SEMA5A: variants seen among roughly 807,000 people sequenced by gnomAD.
The protein encoded by SEMA5A is semaphorin 5A, also known as semaphorin-5A.
A neutral mutation model predicts 135.5 loss-of-function variants in SEMA5A; 55 were observed. The observed-to-expected ratio is 0.41, with a 90% CI of 0.33 to 0.51. The LOEUF is 0.51. SEMA5A is among the 20% of genes least tolerant of loss of function. The pLI is 0.37. For missense variants in SEMA5A, 1,290 were observed against 1,419.9 expected, an observed-to-expected ratio of 0.91 and a Z score of 1.47; for synonymous variants, 580 against 546.5, an observed-to-expected ratio of 1.06 and a Z score of -0.85.
At chr5:9,413,561 T>C (rs568916131) in intron 2 of SEMA5A, among the ~76,000 whole-genome samples, 1 of 152,242 alleles carries the variant, frequency 6.6e-6, no homozygotes, top group East Asian at 1.9e-4. Context: ...AAAATAGTAT[T>C]AATTGAAAAG....
intron 5 of SEMA5A, among the ~76,000 whole-genome samples, chr5:9,314,374 A>G (rs1210093530): frequency 1.2e-5 from 1 of 80,540 alleles, no homozygotes; most frequent in Non-Finnish European, 2.0e-5. Flanking sequence ...TGAGTTCCAG[A>G]AAAAAAAAAA....
At chr5:9,431,570 A>G (rs1462278895) in intron 2 of SEMA5A, among the ~76,000 whole-genome samples, 1 of 152,082 alleles carries the variant, frequency 6.6e-6, no homozygotes, top group Non-Finnish European at 1.5e-5. Context: ...GCATGAACTG[A>G]TTAGGTTTGC....
At chr5:9,428,165 T>C (rs779464379) in intron 2 of SEMA5A, among the ~76,000 whole-genome samples, 15 of 93,952 alleles carry the variant, frequency 1.6e-4, no homozygotes, top group Non-Finnish European at 2.3e-4. Flanking sequence ...TCTATCTATC[T>C]ATCCATCCAT....
chr5:9,176,087 G>A (rs990357098), intron 11 of SEMA5A, among the ~76,000 whole-genome samples: 4 of 152,190 alleles, frequency 2.6e-5, no homozygotes, highest in African/African-American at 9.7e-5. Context: ...GAATTCTGCA[G>A]ATAAAAGATT....
chr5:9,164,274 ATATT>A (rs1743484733), intron 11 of SEMA5A, among the ~76,000 whole-genome samples: 1 of 145,450 alleles, frequency 6.9e-6, no homozygotes, highest in Non-Finnish European at 1.5e-5. Context: ...TATGATATAA[ATATT>A]TATATAATTT....
At chr5:9,429,757 G>T (rs541444014) in intron 2 of SEMA5A, among the ~76,000 whole-genome samples, 44 of 152,304 alleles carry the variant, frequency 2.9e-4, no homozygotes, top group Non-Finnish European at 5.1e-4. Context: ...CTCTGTTCCA[G>T]GGAGACCAAG....
chr5:9,449,071 A>T (rs1356022883), intron 1 of SEMA5A, among the ~76,000 whole-genome samples: 1 of 152,230 alleles, frequency 6.6e-6, no homozygotes, highest in Non-Finnish European at 1.5e-5. Context: ...TACTGAGTAT[A>T]TACCCAAAGG....
At chr5:9,511,032 A>G (rs986184922) in intron 1 of SEMA5A, among the ~76,000 whole-genome samples, 32 of 152,022 alleles carry the variant, frequency 2.1e-4, no homozygotes, top group Admixed American at 2.1e-3. Context: ...AGTATCACAC[A>G]CTGTGTTTCC....
intron 3 of SEMA5A, among the ~76,000 whole-genome samples, chr5:9,358,623 G>A (rs538641951): frequency 1.3e-5 from 2 of 152,374 alleles, no homozygotes; most frequent in Admixed American, 6.5e-5. Context: ...CCTGATGCAG[G>A]CACTTGATAA....
intron 5 of SEMA5A, among the ~76,000 whole-genome samples, chr5:9,311,113 G>C (rs1327528678): frequency 6.7e-6 from 1 of 149,056 alleles, no homozygotes. Context: ...CGTTGGCACT[G>C]TTAGCATTCA....
intron 6 of SEMA5A, among the ~76,000 whole-genome samples, chr5:9,236,093 C>G (rs1747893002): frequency 6.6e-6 from 1 of 152,098 alleles, no homozygotes; most frequent in African/African-American, 2.4e-5. Flanking sequence ...AGCCCCACCC[C>G]CACAATTCAA....
chr5:9,287,026 A>G (rs747330505), intron 5 of SEMA5A, among the ~76,000 whole-genome samples: 15 of 152,212 alleles, frequency 9.9e-5, no homozygotes, highest in South Asian at 2.1e-4. Flanking sequence ...CAATGCATTG[A>G]GGGAGATAAC....
chr5:9,232,218 C>T (rs40660), intron 6 of SEMA5A, among the ~76,000 whole-genome samples: 30,868 of 151,878 alleles, frequency 0.2, 3,656 homozygotes, highest in African/African-American at 0.34. Flanking sequence ...TCTGTGGATC[C>T]CTCAGGTATC....
chr5:9,112,140 A>G (rs1740277089), intron 15 of SEMA5A, among the ~76,000 whole-genome samples: 4 of 152,192 alleles, frequency 2.6e-5, no homozygotes, highest in African/African-American at 4.8e-5. Context: ...ATGTGTTAAT[A>G]ATTAAGATTT....
intron 17 of SEMA5A, 69 bp downstream of exon 17, chr5:9,066,352 A>G (rs786847): frequency 0.74 from 1,088,337 of 1,468,424 alleles, 408,600 homozygotes; most frequent in East Asian, 0.92. Context: ...CTTGCTGTTT[A>G]TGACCTTAGA....
intron 2 of SEMA5A, among the ~76,000 whole-genome samples, chr5:9,393,381 C>G (rs1467502785): frequency 6.6e-6 from 1 of 152,110 alleles, no homozygotes; most frequent in Non-Finnish European, 1.5e-5. Flanking sequence ...CTACGGTGTT[C>G]CTCAGCCTAC....
chr5:9,242,269 TATA>T (rs1748242243), intron 5 of SEMA5A, among the ~76,000 whole-genome samples: 1 of 152,214 alleles, frequency 6.6e-6, no homozygotes, highest in East Asian at 1.9e-4. Context: ...CTTTGCTAAT[TATA>T]ATACCTTCAT....
At chr5:9,219,936 G>A (rs1239802444) in intron 8 of SEMA5A, among the ~76,000 whole-genome samples, 1 of 152,192 alleles carries the variant, frequency 6.6e-6, no homozygotes, top group East Asian at 1.9e-4. Context: ...GTCCTCAGTA[G>A]GCGGGCATGG....
At chr5:9,252,298 T>A (rs2150491665) in intron 5 of SEMA5A, among the ~76,000 whole-genome samples, 1 of 152,274 alleles carries the variant, frequency 6.6e-6, no homozygotes, top group Non-Finnish European at 1.5e-5. Context: ...AAGTCATCGA[T>A]TCGAAAGCTT....
Sources: allele counts gnomAD v4.1 joint callset (sites outside exome capture counted in the v4.1 genomes callset), GRCh38; gene constraint gnomAD v4.1.1; transcripts MANE v1.5; gene names NCBI Gene and HGNC (gene_info 2026-07-23, HGNC 2026-07-21).